The following FSIP2 variants were observed in gnomAD, a reference collection of about 807,000 sequenced individuals.
The protein encoded by FSIP2 is fibrous sheath-interacting protein 2.
Under a neutral mutation model 510.5 loss-of-function variants are expected in FSIP2, and 367 were observed. That is an observed-to-expected ratio of 0.72 (90% CI 0.66 to 0.78). FSIP2 has a LOEUF of 0.78. Ranked by LOEUF, FSIP2 falls within the 30% of genes least tolerant of loss-of-function variation. The pLI is 0.00. For synonymous variants in FSIP2, 2,601 were observed against 2,732.2 expected, an observed-to-expected ratio of 0.95 and a Z score of 1.50; for missense variants, 7,594 against 7,901.7, an observed-to-expected ratio of 0.96 and a Z score of 1.48.
At chr2:185,739,023 C>T (rs1691861555) in intron 1 of FSIP2, 30 bp downstream of exon 1, 7 of 1,522,594 alleles carry the variant, frequency 4.6e-6, no homozygotes, top group Admixed American at 2.0e-5. Flanking sequence ...GCGGCGTCGC[C>T]CTCTGGCGGC....
Position 185,802,462 on chromosome 2 carries a change from G to A in FSIP2, c.13156G>A (p.Gly4386Arg), listed in dbSNP as rs1693463262. 1 of 1,533,824 alleles carries A rather than the reference G, an allele frequency of 6.5e-7. No individual in the cohort carries two copies. The highest frequency in any genetic ancestry group is 8.7e-7 in the Non-Finnish European group (1 of 1,145,402). ...SVYRNALKQH[G>R]LDLAVDKESE... The stretch of plus-strand genomic sequence containing the variant: ...TTATAGAAATGCTTTAAAGCAGCAT[G>A]GGCTAGACCTTGCTGTTGATAAAGA... Residue 4386 changes from glycine (G) to arginine (R), a missense_variant, in exon 17 of 23, where the codon GGG (glycine) becomes AGG (arginine). By Grantham distance (125) the Gly-to-Arg change is moderately radical. Coordinates refer to ENST00000424728, the MANE Select transcript of FSIP2 (RefSeq NM_173651.4).
chr2:185,739,798 A>G (rs563939335), intron 2 of FSIP2, among the ~76,000 whole-genome samples: 1 of 152,296 alleles, frequency 6.6e-6, no homozygotes, highest in Admixed American at 6.5e-5. Flanking sequence ...TAGAAGCTGA[A>G]AGGTTATTAG....
intron 4 of FSIP2, 65 bp from the exon 5 acceptor site, chr2:185,745,364 A>T: frequency 1.1e-6 from 1 of 931,026 alleles, no homozygotes; most frequent in Non-Finnish European, 1.5e-6. Flanking sequence ...ATAAATTTAA[A>T]TGGTTTTATT....
rs745704261 is a variant in FSIP2, at chr2:185,799,650, A to G, written c.10391-47A>G. On this transcript the variant is annotated intron_variant, in intron 16 of 22. Coordinates refer to ENST00000424728, the MANE Select transcript of FSIP2 (RefSeq NM_173651.4). The stretch of plus-strand genomic sequence containing the variant: ...TAATTTCAAATATATTGAATTTTCT[A>G]TATTTTCTTTAATCCATGCTAAAAT... The G allele has an allele frequency of 1.1e-5, 10 of 916,950 alleles. No homozygotes were observed. In the East Asian group the frequency reaches 2.3e-4, roughly 21 times the overall value. The allele number at this position is 916,950 out of a possible 1,614,324, so 56.8% of individuals were successfully genotyped here. A position where few individuals can be genotyped will look rare whatever the true frequency, so the allele number is the denominator to read the frequency against.
At chr2:185,738,699 C>G, upstream of FSIP2, 1 of 1,536,080 alleles carries the variant, frequency 6.5e-7, no homozygotes, top group Non-Finnish European at 8.7e-7. Context: ...GGGCGCTCTA[C>G]GCGCTGGCGC....
rs776643141 is a variant in FSIP2 at position 185,806,430 on chromosome 2, C to T, written c.17124C>T (p.Ser5708=). The change falls in exon 17 of 23, where the codon AGC becomes AGT. Residue 5708 remains serine, a synonymous_variant. Coordinates refer to ENST00000424728, the MANE Select transcript of FSIP2 (RefSeq NM_173651.4). ...ATTCGAAACTCAGTTATGACCAAAGCCCCCCAGGTGATAATGTATTAAATG... is the reference window on the plus strand; with the variant it reads ...ATTCGAAACTCAGTTATGACCAAAGTCCCCCAGGTGATAATGTATTAAATG... The part of the protein sequence containing the change: ...AYYSKLSYDQ[S]PPGDNVLNVI... The T allele has an allele frequency of 9.3e-6, 15 of 1,611,702 alleles. No individual in the cohort carries two copies. Among genetic ancestry groups the T allele is most frequent in the Non-Finnish European group, 1.1e-5 (13 of 1,178,534 alleles).
chr2:185,813,477 T>A, intron 17 of FSIP2, 68 bp from the exon 18 acceptor site: 1 of 931,934 alleles, frequency 1.1e-6, no homozygotes, highest in South Asian at 2.7e-5. Context: ...AATAGCTACA[T>A]CATAATTGAA....
chr2:185,758,014 T>C (rs532504312), intron 9 of FSIP2, among the ~76,000 whole-genome samples: 1 of 151,176 alleles, frequency 6.6e-6, no homozygotes, highest in Non-Finnish European at 1.5e-5. Flanking sequence ...TCTGGGATTA[T>C]TATCAAATAG....
chr2:185,772,199 T>A (rs1404373661), intron 13 of FSIP2, among the ~76,000 whole-genome samples: 3 of 152,182 alleles, frequency 2.0e-5, no homozygotes, highest in African/African-American at 7.2e-5. Context: ...AGTTCCAAAC[T>A]TTTCCTCATT....
At position 185,800,050 on chromosome 2, in the gene FSIP2, A is replaced by G; in HGVS notation, c.10744A>G (p.Met3582Val). The change falls in exon 17 of 23, where the codon ATG becomes GTG. Residue 3582 changes from methionine (M) to valine (V), a missense_variant. Physicochemically the swap from Met to Val is conservative, Grantham distance 21. Coordinates refer to ENST00000424728, the MANE Select transcript of FSIP2 (RefSeq NM_173651.4). ...KIIQADIAQK[M>V]VAIPTKYTYC... Reference sequence around the variant, plus strand: ...TATACAGGCTGACATTGCACAGAAAATGGTTGCCATACCTACAAAATACAC... The same window carrying G: ...TATACAGGCTGACATTGCACAGAAAGTGGTTGCCATACCTACAAAATACAC... The G allele has an allele frequency of 6.5e-7, 1 of 1,530,036 alleles. No homozygotes were observed. The highest frequency in any genetic ancestry group is 8.8e-7 in the Non-Finnish European group (1 of 1,142,640). The allele number at this position is 1,530,036 out of a possible 1,614,324, so 94.8% of individuals were successfully genotyped here.
At chr2:185,818,121 G>A (rs1693856590) in intron 19 of FSIP2, among the ~76,000 whole-genome samples, 1 of 151,858 alleles carries the variant, frequency 6.6e-6, no homozygotes, top group Admixed American at 6.6e-5. Flanking sequence ...AAATGTGCAA[G>A]TATTATGTGC....
Position 185,807,458 on chromosome 2 carries a change from T to A in FSIP2, c.18152T>A (p.Leu6051Ter), listed in dbSNP as rs562173763. The A allele has an allele frequency of 1.2e-6, 2 of 1,612,634 alleles. No individual in the cohort carries two copies. The highest frequency in any genetic ancestry group is 1.7e-6 in the Non-Finnish European group (2 of 1,179,276). Residue 6051 changes from leucine to a stop codon, truncating the protein, a stop_gained, in exon 17 of 23, where the codon TTA (leucine) becomes TAA (stop). Coordinates refer to ENST00000424728, the MANE Select transcript of FSIP2 (RefSeq NM_173651.4). LOFTEE classifies it high-confidence loss of function. The part of the protein sequence containing the change: ...STELNFLQMK[L>*]VSAVATEISQ... Reference sequence around the variant, plus strand: ...GAACTGAATTTCCTTCAAATGAAGTTAGTAAGTGCAGTTGCAACAGAGATC... The same window carrying A: ...GAACTGAATTTCCTTCAAATGAAGTAAGTAAGTGCAGTTGCAACAGAGATC...
chr2:185,809,279 T>C, intron 17 of FSIP2, 146 bp downstream of exon 17: 1 of 836,052 alleles, frequency 1.2e-6, no homozygotes, highest in East Asian at 2.8e-5. Context: ...CATCAGTTCA[T>C]CCATACAGTC....
intron 1 of FSIP2, 105 bp downstream of exon 1, chr2:185,739,098 C>G: frequency 7.3e-7 from 1 of 1,372,056 alleles, no homozygotes; most frequent in Non-Finnish European, 9.6e-7. Context: ...CCAACTGTCC[C>G]CCGTCAGGAG....
In FSIP2 at chr2:185,813,633, T is replaced by C. The variant is rs1693778562; in HGVS notation, c.19916T>C (p.Leu6639Pro). The C allele has an allele frequency of 3.8e-6, 6 of 1,596,870 alleles. No individual in the cohort carries two copies. The highest frequency in any genetic ancestry group is 3.4e-6 in the Non-Finnish European group (4 of 1,170,888). ...LLKDVQSKND[L>P]IVRLVAHDID... ...AAAGATGTTCAAAGTAAAAATGATC[T>C]TATTGTTCGATTAGTAGCTCATGAT... The change falls in exon 18 of 23, where the codon CTT becomes CCT. Residue 6639 changes from leucine to proline, a missense_variant. Coordinates refer to ENST00000424728, the MANE Select transcript of FSIP2 (RefSeq NM_173651.4).
intron 13 of FSIP2, among the ~76,000 whole-genome samples, chr2:185,778,973 T>G (rs916588118): frequency 7.2e-5 from 11 of 152,038 alleles, no homozygotes; most frequent in African/African-American, 2.7e-4. Context: ...GAATTGAATA[T>G]TCCTATCATC....
Position 185,802,885 on chromosome 2 carries a change from G to A in FSIP2, c.13579G>A (p.Glu4527Lys), listed in dbSNP as rs1400989253. ...VSQHEIRFSK[E>K]EEETKFIYSE... ...CCAACATGAAATTCGATTTTCAAAA[G>A]AGGAAGAAGAAACCAAGTTTATTTA... The change falls in exon 17 of 23, where the codon GAG becomes AAG. Residue 4527 changes from glutamate (E) to lysine (K), a missense_variant. Glu to Lys is a moderately conservative substitution (Grantham distance 56). Transcript: ENST00000424728. 6.7e-7 allele frequency: 1 copy of A among 1,497,684 alleles called. No homozygotes were observed. Among genetic ancestry groups the A allele is most frequent in the Non-Finnish European group, 8.8e-7 (1 of 1,132,530 alleles). The allele number at this position is 1,497,684 out of a possible 1,614,324, so 92.8% of individuals were successfully genotyped here.
intron 8 of FSIP2, 36 bp from the exon 9 acceptor site, chr2:185,756,156 T>C (rs1188561220): frequency 6.0e-6 from 5 of 831,622 alleles, no homozygotes; most frequent in Non-Finnish European, 7.2e-6. Context: ...GTCATCATCA[T>C]AAGTAAAAAT....
At position 185,789,028 on chromosome 2, in the gene FSIP2, C is replaced by T; in HGVS notation, c.1892C>T (p.Thr631Ile). 6.5e-7 allele frequency: 1 copy of T among 1,533,818 alleles called. No individual in the cohort carries two copies. The highest frequency in any genetic ancestry group is 8.7e-7 in the Non-Finnish European group (1 of 1,145,358). The stretch of plus-strand genomic sequence containing the variant: ...ATCTCTAAACATAAATATAATAAAA[C>T]CAACTTGCTATATTCATACCCTAAG... ...SIISKHKYNK[T>I]NLLYSYPKLR... Residue 631 changes from threonine to isoleucine, a missense_variant, in exon 16 of 23, where the codon ACC (threonine) becomes ATC (isoleucine). Coordinates refer to ENST00000424728, the MANE Select transcript of FSIP2 (RefSeq NM_173651.4).
Sources: gnomAD v4.1 joint callset for allele counts (sites outside exome capture counted in the v4.1 genomes callset) on GRCh38, gnomAD v4.1.1 for gene constraint, MANE v1.5 for transcripts, NCBI Gene and HGNC (gene_info 2026-07-23, HGNC 2026-07-21) for gene names.